PDE4B: variants seen among roughly 807,000 people sequenced by gnomAD.
The protein encoded by PDE4B is 3',5'-cyclic-AMP phosphodiesterase 4B.
In PDE4B, 20 loss-of-function variants were observed where a neutral mutation model predicts 82.2. The ratio of observed to expected loss-of-function variants is 0.24; its 90% CI spans 0.17 to 0.35. The LOEUF is 0.35. Ranked by LOEUF, PDE4B falls within the 10% of genes least tolerant of loss-of-function variation. The probability of loss-of-function intolerance (pLI) is 1.00; values close to 1 mark genes in which losing one functional copy is unlikely to be tolerated. For missense variants in PDE4B, 655 were observed against 907.2 expected (o/e 0.72, Z 3.57); for synonymous variants, 320 against 318.9 (o/e 1.00, Z -0.04).
chr1:66,271,754 C>T (rs1310283985), intron 7 of PDE4B, among the ~76,000 whole-genome samples: 1 of 152,040 alleles, frequency 6.6e-6, no homozygotes, highest in Non-Finnish European at 1.5e-5. Context: ...AGGGAGGTAC[C>T]CCACTTTTAA....
intron 1 of PDE4B, among the ~76,000 whole-genome samples, chr1:65,827,608 G>T (rs1486698084): frequency 6.6e-6 from 1 of 152,106 alleles, no homozygotes; most frequent in African/African-American, 2.4e-5. Flanking sequence ...AGAGAAAATA[G>T]ATTTGAGAAA....
intron 3 of PDE4B, among the ~76,000 whole-genome samples, chr1:65,952,059 G>C (rs1341629278): frequency 2.0e-5 from 3 of 152,030 alleles, no homozygotes; most frequent in Non-Finnish European, 4.4e-5. Context: ...CAGAATATTA[G>C]CATTACTAGA....
chr1:65,914,077 A>G (rs17417374), intron 2 of PDE4B, among the ~76,000 whole-genome samples: 10,236 of 152,200 alleles, frequency 0.067, 474 homozygotes, highest in Admixed American at 0.13. Flanking sequence ...TCTTTACCCA[A>G]TTACTGTTTG....
At chr1:66,073,044 C>T (rs1193114273) in intron 3 of PDE4B, among the ~76,000 whole-genome samples, 1 of 150,536 alleles carries the variant, frequency 6.6e-6, no homozygotes, top group East Asian at 2.0e-4. Context: ...TCAGCCAGTT[C>T]CTTATAGAAA....
At chr1:66,196,341 T>C (rs1473132630) in intron 3 of PDE4B, among the ~76,000 whole-genome samples, 1 of 152,210 alleles carries the variant, frequency 6.6e-6, no homozygotes, top group African/African-American at 2.4e-5. Flanking sequence ...CCTAGGCCTT[T>C]TTCTGCATCA....
At chr1:66,229,354 T>C (rs113068520) in intron 3 of PDE4B, among the ~76,000 whole-genome samples, 3,502 of 152,290 alleles carry the variant, frequency 0.023, 60 homozygotes, top group Middle Eastern at 0.034. Context: ...ACTATGCCAC[T>C]TGGACACTCT....
intron 7 of PDE4B, among the ~76,000 whole-genome samples, chr1:66,289,274 A>T (rs1006557584): frequency 1.8e-4 from 27 of 152,104 alleles, no homozygotes; most frequent in Middle Eastern, 3.2e-3. Flanking sequence ...CTCAAGAAAG[A>T]AAAAAAGAAA....
chr1:65,860,381 C>A (rs984987272), intron 1 of PDE4B, among the ~76,000 whole-genome samples: 4 of 152,130 alleles, frequency 2.6e-5, no homozygotes, highest in African/African-American at 9.7e-5. Context: ...TGAACTCATC[C>A]TTTTTTATGG....
At chr1:66,081,663 A>G (rs1181792413) in intron 3 of PDE4B, among the ~76,000 whole-genome samples, 5 of 152,262 alleles carry the variant, frequency 3.3e-5, no homozygotes, top group Admixed American at 3.3e-4. Context: ...AGCAATATGA[A>G]CTAGTAGAAA....
chr1:65,853,427 A>G (rs972492096), intron 1 of PDE4B, among the ~76,000 whole-genome samples: 1 of 149,674 alleles, frequency 6.7e-6, no homozygotes, highest in Non-Finnish European at 1.5e-5. Flanking sequence ...TTAATTTTCT[A>G]TTTGTCTTTC....
chr1:65,806,998 G>C (rs1393767612), intron 1 of PDE4B, among the ~76,000 whole-genome samples: 1 of 152,100 alleles, frequency 6.6e-6, no homozygotes, highest in African/African-American at 2.4e-5. Flanking sequence ...TCTGTGTATA[G>C]TTACTCTTCT....
At chr1:65,911,552 G>T (rs553735369) in intron 1 of PDE4B, among the ~76,000 whole-genome samples, 2 of 151,590 alleles carry the variant, frequency 1.3e-5, no homozygotes, top group African/African-American at 4.8e-5. Context: ...TAACTATAGA[G>T]GCCCTCAATA....
intron 1 of PDE4B, among the ~76,000 whole-genome samples, chr1:65,885,014 GA>G (rs949421453): frequency 1.4e-4 from 21 of 151,924 alleles, no homozygotes; most frequent in Admixed American, 9.2e-4. Context: ...AAATTTACAA[GA>G]AAAAAACAAA....
At chr1:66,278,787 CAATG>C (rs1052420354) in intron 7 of PDE4B, among the ~76,000 whole-genome samples, 1 of 152,134 alleles carries the variant, frequency 6.6e-6, no homozygotes. Flanking sequence ...CCCGGACAAA[CAATG>C]AATCCTTCAG....
intron 7 of PDE4B, among the ~76,000 whole-genome samples, chr1:66,303,366 T>C (rs1009037905): frequency 1.3e-4 from 19 of 148,558 alleles, no homozygotes; most frequent in African/African-American, 4.7e-4. Context: ...TATATATATA[T>C]ATATACACAC....
At chr1:66,339,324 T>C (rs1570725080) in intron 8 of PDE4B, among the ~76,000 whole-genome samples, 1 of 152,258 alleles carries the variant, frequency 6.6e-6, no homozygotes. Context: ...TTAGTATTAG[T>C]GCAATTCAGT....
chr1:66,102,945 C>T (rs74551551), intron 3 of PDE4B, among the ~76,000 whole-genome samples: 1,914 of 152,024 alleles, frequency 0.013, 43 homozygotes, highest in African/African-American at 0.042. Flanking sequence ...GAGAATAAAC[C>T]ACAGTCTACT....
At chr1:66,201,563 T>C (rs1648953942) in intron 3 of PDE4B, among the ~76,000 whole-genome samples, 2 of 149,810 alleles carry the variant, frequency 1.3e-5, no homozygotes, top group South Asian at 4.3e-4. Flanking sequence ...TTCTTCTTTG[T>C]TTAGTCTTGG....
intron 3 of PDE4B, among the ~76,000 whole-genome samples, chr1:66,078,495 C>T (rs774454284): frequency 6.6e-6 from 1 of 152,064 alleles, no homozygotes; most frequent in Non-Finnish European, 1.5e-5. Context: ...CAGGTGTGAC[C>T]CACCAAGCCC....
Sources: gnomAD v4.1 joint callset for allele counts (sites outside exome capture counted in the v4.1 genomes callset) on GRCh38, gnomAD v4.1.1 for gene constraint, MANE v1.5 for transcripts, NCBI Gene and HGNC (gene_info 2026-07-23, HGNC 2026-07-21) for gene names.